Variants in ZER1 observed in about 807,000 individuals in gnomAD.
ZER1 encodes the protein zyg-11 related cell cycle regulator.
Under a neutral mutation model 78.8 loss-of-function variants are expected in ZER1, and 11 were observed. That is an observed-to-expected ratio of 0.14 (90% CI 0.09 to 0.23). ZER1 has a LOEUF of 0.23. Ranked by LOEUF, ZER1 falls within the 10% of genes least tolerant of loss-of-function variation. ZER1 has a pLI of 1.00. For missense variants in ZER1, 588 were observed against 996.9 expected (o/e 0.59, Z 5.52); for synonymous variants, 400 against 407.0 (o/e 0.98, Z 0.21).
Position 128,753,061 on chromosome 9 carries a change from A to G in ZER1, c.746+103T>C. The G allele has an allele frequency of 2.3e-6, 3 of 1,292,456 alleles. No homozygotes were observed. Among genetic ancestry groups the G allele is most frequent in the South Asian group, 3.1e-5 (2 of 65,374 alleles). 80.1% of individuals were successfully genotyped at this position (1,292,456 alleles called of 1,614,324 possible). ...GTGTCTTCATCCCCACCCTCTGCCT[A>G]GCCAAGCGCTCCTGAACCCTGAGGG... is the stretch of plus-strand genomic sequence containing the variant. On this transcript the variant is annotated intron_variant, in intron 4 of 15. Coordinates refer to ENST00000291900, the MANE Select transcript of ZER1 (RefSeq NM_006336.4). This position sits in a 1 kb window ranked among gnomAD's most constrained non-coding sequence, Gnocchi z 7.5.
At chr9:128,770,638 C>T (rs1864354499) in intron 1 of ZER1, among the ~76,000 whole-genome samples, 1 of 152,200 alleles carries the variant, frequency 6.6e-6, no homozygotes, top group Non-Finnish European at 1.5e-5. Context: ...CCACTTATTA[C>T]CTCCTTACAT....
chr9:128,758,640 A>G (rs1012727363), intron 1 of ZER1, among the ~76,000 whole-genome samples: 32 of 151,760 alleles, frequency 2.1e-4, no homozygotes, highest in Non-Finnish European at 5.9e-5. Flanking sequence ...AGATCTTGCT[A>G]TGTTATTCAG....
rs1401842205 is a variant in ZER1, at chr9:128,751,795, G to A, written c.924-268C>T. On this transcript the variant is annotated intron_variant, in intron 5 of 15. Transcript: ENST00000291900. This position sits in a 1 kb window ranked among gnomAD's most constrained non-coding sequence, Gnocchi z 5.4. Reference sequence around the variant, plus strand: ...TCTAGTAAGGACATGGCACCTTTAGGTCTCACCAACAATCACAAAGGGACA... The same window carrying A: ...TCTAGTAAGGACATGGCACCTTTAGATCTCACCAACAATCACAAAGGGACA... Among the ~76,000 whole-genome samples, 7 of 152,150 alleles carry A rather than the reference G, an allele frequency of 4.6e-5. No individual in the cohort carries two copies. Among genetic ancestry groups the A allele is most frequent in the Non-Finnish European group, 8.8e-5 (6 of 68,032 alleles).
rs1232754860 is a variant in ZER1, at chr9:128,750,664, C to G, written c.1311G>C (p.Gln437His). ...RSEQSVKLRR[Q>H]VIQVVLNGME... is the part of the protein sequence containing the mutation. The stretch of plus-strand genomic sequence containing the variant: ...TGCCATTCAGCACCACCTGGATAAC[C>G]TGCCGGCGCAGCTTCACACTCTGCT... Residue 437 changes from glutamine (Q) to histidine (H), a missense_variant, in exon 8 of 16, where the codon CAG becomes CAC. This residue lies in a region of ZER1 where 406 missense variants were observed against 660.1 expected (regional missense o/e 0.62). Transcript: ENST00000291900. 6.2e-7 allele frequency: 1 copy of G among 1,614,098 alleles called. No homozygotes were observed. The highest frequency in any genetic ancestry group is 8.5e-7 in the Non-Finnish European group (1 of 1,180,042).
At chr9:128,750,482 T>A (rs1863638438) in intron 8 of ZER1, 134 bp downstream of exon 8, 1 of 1,040,980 alleles carries the variant, frequency 9.6e-7, no homozygotes, top group Admixed American at 2.4e-5. Context: ...GTCCCAAGAG[T>A]CAGGGAGTGC....
chr9:128,771,081 C>A (rs920055772), intron 1 of ZER1, among the ~76,000 whole-genome samples: 1 of 152,162 alleles, frequency 6.6e-6, no homozygotes, highest in African/African-American at 2.4e-5. Flanking sequence ...TGGGCTCTTT[C>A]GGTCAAAGAG....
In ZER1 at chr9:128,755,766, C is replaced by T; in HGVS notation, c.-94-107G>A. 3.1e-6 allele frequency: 2 copies of T among 654,934 alleles called. No homozygotes were observed. The highest frequency in any genetic ancestry group is 5.0e-6 in the Non-Finnish European group (2 of 398,024). 40.6% of individuals were successfully genotyped at this position (654,934 alleles called of 1,614,324 possible). A position where few individuals can be genotyped will look rare whatever the true frequency, so the allele number is the denominator to read the frequency against. On this transcript the variant is annotated intron_variant, in intron 1 of 15. Coordinates refer to ENST00000291900, the MANE Select transcript of ZER1 (RefSeq NM_006336.4). This position sits in a 1 kb window ranked among gnomAD's most constrained non-coding sequence, Gnocchi z 5.6. ...GAAACTGAGACCACACTCCAATTAGCAGCTTAGCAGGGCCAGGCCCAGGTC... is the reference window on the plus strand; with the variant it reads ...GAAACTGAGACCACACTCCAATTAGTAGCTTAGCAGGGCCAGGCCCAGGTC...
intron 1 of ZER1, among the ~76,000 whole-genome samples, chr9:128,768,899 C>A (rs1392083532): frequency 6.6e-6 from 1 of 152,264 alleles, no homozygotes; most frequent in African/African-American, 2.4e-5. Flanking sequence ...TCAACACCCT[C>A]ATTTTGCCTA....
chr9:128,769,178 A>G (rs1324951999), intron 1 of ZER1, among the ~76,000 whole-genome samples: 1 of 152,148 alleles, frequency 6.6e-6, no homozygotes, highest in Non-Finnish European at 1.5e-5. Flanking sequence ...GCTTTCCCCA[A>G]TATTTCCTCA....
chr9:128,758,916 T>A (rs1863949959), intron 1 of ZER1, among the ~76,000 whole-genome samples: 1 of 152,162 alleles, frequency 6.6e-6, no homozygotes, highest in South Asian at 2.1e-4. Context: ...GTCTCCTTGA[T>A]CAGAGTACTG....
chr9:128,763,817 G>A (rs1173296546), intron 1 of ZER1, among the ~76,000 whole-genome samples: 3 of 152,118 alleles, frequency 2.0e-5, no homozygotes, highest in Non-Finnish European at 2.9e-5. Context: ...GTGAAACTCC[G>A]TCTCTACTAA....
chr9:128,743,818 C>T (rs1312599082), intron 8 of ZER1, among the ~76,000 whole-genome samples: 1 of 151,886 alleles, frequency 6.6e-6, no homozygotes, highest in African/African-American at 2.4e-5. Flanking sequence ...GCAACCTCCC[C>T]CTCCCGGGCT....
intron 13 of ZER1, 130 bp downstream of exon 13, chr9:128,739,801 G>A: frequency 2.6e-6 from 3 of 1,170,590 alleles, no homozygotes; most frequent in Non-Finnish European, 3.6e-6. Flanking sequence ...GTATCAATGA[G>A]TGAAAGCAGA....
intron 8 of ZER1, among the ~76,000 whole-genome samples, chr9:128,745,482 C>A (rs1290434473): frequency 1.3e-5 from 2 of 151,954 alleles, no homozygotes; most frequent in Non-Finnish European, 2.9e-5. Context: ...CTCAGCCTCC[C>A]AAGTAGCTGG....
chr9:128,753,899 G>C lies in ZER1; in HGVS notation c.219C>G (p.Leu73=), dbSNP rs1863773338. 8 of 1,599,294 alleles carry C rather than the reference G, an allele frequency of 5.0e-6. No homozygotes were observed. Among genetic ancestry groups the C allele is most frequent in the Non-Finnish European group, 6.8e-6 (8 of 1,173,510 alleles). Residue 73 remains leucine (L), a synonymous_variant, in exon 3 of 16, where the codon CTC becomes CTG. Transcript: ENST00000291900. This position sits in a 1 kb window ranked among gnomAD's most constrained non-coding sequence, Gnocchi z 7.5. ...NFEPHESFFS[L]FSDPRSTRLT... is the part of the protein sequence containing the mutation. ...GGCGGGTGCTGCGGGGGTCCGAAAA[G>C]AGGCTGAAGAAGCTCTCGTGTGGCT...
chr9:128,761,055 G>A (rs1271137533), intron 1 of ZER1, among the ~76,000 whole-genome samples: 1 of 150,452 alleles, frequency 6.6e-6, no homozygotes, highest in Non-Finnish European at 1.5e-5. Flanking sequence ...CTACTCGGGA[G>A]GCTGAGGTAG....
chr9:128,749,326 C>T (rs920025011), intron 8 of ZER1, among the ~76,000 whole-genome samples: 1 of 151,402 alleles, frequency 6.6e-6, no homozygotes, highest in East Asian at 2.0e-4. Flanking sequence ...GACTCCATCT[C>T]GAAAAAATAA....
chr9:128,748,425 T>C (rs1863569336), intron 8 of ZER1, among the ~76,000 whole-genome samples: 1 of 148,548 alleles, frequency 6.7e-6, no homozygotes, highest in African/African-American at 2.5e-5. Flanking sequence ...AAAAAATTAG[T>C]TGGGTGTGGT....
chr9:128,733,455 G>A lies in ZER1; in HGVS notation c.2214C>T (p.Thr738=), dbSNP rs762520873. The A allele has an allele frequency of 6.8e-6, 11 of 1,613,868 alleles. No homozygotes were observed. Among genetic ancestry groups the A allele is most frequent in the Admixed American group, 3.3e-5 (2 of 59,980 alleles). Residue 738 remains threonine, a synonymous_variant, in exon 15 of 16, where the codon ACC becomes ACT. Transcript: ENST00000291900. ...PLLRDIIKMA[T]ARQETKEMAR... The stretch of plus-strand genomic sequence containing the variant: ...CCATTTCCTTGGTCTCCTGCCGTGC[G>A]GTCGCCATCTTAATTATGTCCCTCA...
Sources: gnomAD v4.1 joint callset for allele counts (sites outside exome capture counted in the v4.1 genomes callset) on GRCh38, gnomAD v4.1.1 for gene constraint, gnomAD v4.1.1 regional missense constraint, Gnocchi (gnomAD v3.1) non-coding constraint, MANE v1.5 for transcripts, NCBI Gene and HGNC (gene_info 2026-07-23, HGNC 2026-07-21) for gene names.